The following CDA variants were observed in gnomAD, a reference collection of about 807,000 sequenced individuals.
The protein encoded by CDA is cytidine deaminase.
CDA carries 7 observed loss-of-function variants against 15.0 expected under a neutral mutation model. The observed-to-expected ratio is 0.47, with a 90% CI of 0.26 to 0.87. The LOEUF (loss-of-function observed/expected upper bound fraction) is 0.87. Ranked by LOEUF, CDA falls within the 40% of genes least tolerant of loss-of-function variation. CDA has a pLI of 0.15. For missense variants in CDA, 159 were observed against 182.7 expected (o/e 0.87, Z 0.75); for synonymous variants, 58 against 73.0 (o/e 0.79, Z 1.05).
intron 1 of CDA, among the ~76,000 whole-genome samples, chr1:20,592,953 T>G (rs894313034): frequency 3.9e-5 from 6 of 151,968 alleles, no homozygotes; most frequent in African/African-American, 1.5e-4. Context: ...ATGAGCTGGA[T>G]GTGGTGGCGT....
In CDA at chr1:20,607,188, G is replaced by T. The variant is rs112861241; in HGVS notation, c.266+2149G>T. Among the ~76,000 whole-genome samples the T allele has an allele frequency of 9.6e-3, 1,458 of 152,322 alleles. 22 individuals carry two copies. Among genetic ancestry groups the T allele is most frequent in the African/African-American group, 0.033 (1,385 of 41,558 alleles). On this transcript the variant is annotated intron_variant, in intron 2 of 3. Transcript: ENST00000375071. ...AAATGCAGAAATGCAGGGGTTTAGT[G>T]CAAGGCCAGTGGGGACTGCACAGAA...
chr1:20,604,473 C>T (rs957129694), intron 1 of CDA, among the ~76,000 whole-genome samples: 5 of 152,170 alleles, frequency 3.3e-5, no homozygotes, highest in African/African-American at 1.2e-4. Context: ...CTCCAAAGGC[C>T]CCACTTCCTA....
At chr1:20,613,945 C>T (rs374938501) in intron 3 of CDA, 46 bp downstream of exon 3, 24 of 1,577,730 alleles carry the variant, frequency 1.5e-5, no homozygotes, top group South Asian at 7.8e-5. Flanking sequence ...TCTTCCCTGT[C>T]GCAGGCTATG....
chr1:20,606,245 A>G (rs11578210), intron 2 of CDA, among the ~76,000 whole-genome samples: 31,824 of 116,630 alleles, frequency 0.27, 5,638 homozygotes, highest in South Asian at 0.34. Context: ...TGAGGCAGGA[A>G]CATGGCGTGA....
At chr1:20,597,841 C>T (rs951212457) in intron 1 of CDA, among the ~76,000 whole-genome samples, 2 of 151,228 alleles carry the variant, frequency 1.3e-5, no homozygotes, top group African/African-American at 4.9e-5. Flanking sequence ...AATTGCACAG[C>T]ATTTCAGGAT....
intron 3 of CDA, among the ~76,000 whole-genome samples, chr1:20,618,236 T>C (rs953106726): frequency 3.8e-5 from 3 of 79,488 alleles, no homozygotes; most frequent in African/African-American, 5.2e-5. Flanking sequence ...CTGTTCACGA[T>C]GTACCATGCA....
rs1311607502 is a variant in CDA at position 20,610,304 on chromosome 1, A to AT, written c.267-3533dup. On this transcript the variant is annotated intron_variant, in intron 2 of 3. Coordinates refer to ENST00000375071, the MANE Select transcript of CDA (RefSeq NM_001785.3). ...ATTTTATTTTTATTTTTATTTATTT[A>AT]TTTTTATTTTTTTTTGAGATGGAGT... 2.5e-4 allele frequency among the ~76,000 whole-genome samples: 31 copies of AT among 124,726 alleles called. No homozygotes were observed. In the South Asian group the frequency reaches 3.0e-3, roughly 12 times the overall value. 81.8% of individuals were successfully genotyped at this position (124,726 alleles called of 152,430 possible).
At chr1:20,606,189 T>C (rs1570382452) in intron 2 of CDA, among the ~76,000 whole-genome samples, 1 of 72,250 alleles carries the variant, frequency 1.4e-5, no homozygotes, top group East Asian at 4.0e-4. Context: ...TCCGGAGGAA[T>C]AAATGACGGT....
chr1:20,593,204 G>A (rs927972039), intron 1 of CDA, among the ~76,000 whole-genome samples: 59 of 152,218 alleles, frequency 3.9e-4, no homozygotes, highest in Admixed American at 3.3e-4. Context: ...AGGCATTGAA[G>A]GCATGGCTGG....
chr1:20,603,066 T>C (rs896837163), intron 1 of CDA, among the ~76,000 whole-genome samples: 10 of 152,230 alleles, frequency 6.6e-5, no homozygotes, highest in Admixed American at 6.5e-4. Context: ...TTCCTGGTTA[T>C]TGCAGGTGGA....
At chr1:20,605,104 A>C (rs2052682374) in intron 2 of CDA, 65 bp downstream of exon 2, 1 of 939,196 alleles carries the variant, frequency 1.1e-6, no homozygotes, top group South Asian at 1.4e-5. Context: ...TTCCTTACAC[A>C]TATTATTCAT....
intron 3 of CDA, among the ~76,000 whole-genome samples, chr1:20,614,251 G>A (rs766625673): frequency 6.6e-6 from 1 of 151,810 alleles, no homozygotes; most frequent in East Asian, 1.9e-4. Flanking sequence ...AAACAGTGGC[G>A]TTTCTGAGTC....
chr1:20,607,010 G>A (rs1048210520), intron 2 of CDA, among the ~76,000 whole-genome samples: 3 of 152,210 alleles, frequency 2.0e-5, no homozygotes, highest in Admixed American at 6.5e-5. Context: ...CTGCATGCCT[G>A]TTGGTCTTTA....
chr1:20,605,388 G>A (rs374666651), intron 2 of CDA, among the ~76,000 whole-genome samples: 23 of 152,132 alleles, frequency 1.5e-4, no homozygotes, highest in East Asian at 5.8e-4. Context: ...AGCCAGGCGC[G>A]GTGGCTCACG....
At chr1:20,618,066 T>C (rs1402324139) in intron 3 of CDA, among the ~76,000 whole-genome samples, 1 of 151,706 alleles carries the variant, frequency 6.6e-6, no homozygotes, top group East Asian at 1.9e-4. Flanking sequence ...AACAGACTAA[T>C]ACACTGAGTA....
At position 20,595,007 on chromosome 1, in the gene CDA, T is replaced by C. The variant is rs2052580870; in HGVS notation, c.154+5724T>C. Among the ~76,000 whole-genome samples the C allele has an allele frequency of 2.0e-5, 3 of 152,176 alleles. No individual in the cohort carries two copies. In the South Asian group the frequency reaches 6.2e-4, roughly 32 times the overall value. The stretch of plus-strand genomic sequence containing the variant: ...CTCGTGGGGAGTATGCATCTGGCGA[T>C]GAGACCACGACAGTGCCAGAAAGGG... On this transcript the variant is annotated intron_variant, in intron 1 of 3. Transcript: ENST00000375071.
chr1:20,596,293 C>T (rs899115403), intron 1 of CDA, among the ~76,000 whole-genome samples: 5 of 152,148 alleles, frequency 3.3e-5, no homozygotes, highest in Non-Finnish European at 7.3e-5. Context: ...CGTATTTCTT[C>T]AAGTATATGG....
chr1:20,610,550 C>T (rs774858521), intron 2 of CDA, among the ~76,000 whole-genome samples: 7 of 151,928 alleles, frequency 4.6e-5, no homozygotes, highest in African/African-American at 7.2e-5. Flanking sequence ...CCACCCACCT[C>T]GGCCTCCCAA....
intron 1 of CDA, among the ~76,000 whole-genome samples, chr1:20,590,585 C>T (rs1214952399): frequency 6.6e-6 from 1 of 152,156 alleles, no homozygotes; most frequent in African/African-American, 2.4e-5. Flanking sequence ...CTCCTACAAT[C>T]CCCCGGCACC....
Sources: allele counts gnomAD v4.1 joint callset (sites outside exome capture counted in the v4.1 genomes callset), GRCh38; gene constraint gnomAD v4.1.1; transcripts MANE v1.5; gene names NCBI Gene and HGNC (gene_info 2026-07-23, HGNC 2026-07-21).